ZMIZ1: variants seen among roughly 807,000 people sequenced by gnomAD.
ZMIZ1 encodes zinc finger MIZ-type containing 1.
A neutral mutation model predicts 113.9 loss-of-function variants in ZMIZ1; 17 were observed. The ratio of observed to expected loss-of-function variants is 0.15; its 90% CI spans 0.10 to 0.22. ZMIZ1 has a LOEUF of 0.22. Ranked by LOEUF, ZMIZ1 falls within the 10% of genes least tolerant of loss-of-function variation. The probability of loss-of-function intolerance (pLI) is 1.00; values close to 1 mark genes in which losing one functional copy is unlikely to be tolerated. For synonymous variants in ZMIZ1, 607 were observed against 603.1 expected (o/e 1.01, Z -0.09); for missense variants, 1,059 against 1,477.8 (o/e 0.72, Z 4.65).
intron 7 of ZMIZ1, among the ~76,000 whole-genome samples, chr10:79,219,027 C>G (rs537214988): frequency 1.3e-5 from 2 of 150,358 alleles, no homozygotes; most frequent in East Asian, 4.0e-4. Flanking sequence ...TATAAAAGAA[C>G]AGATTGCACG....
chr10:79,234,576 G>A (rs1336254917), intron 7 of ZMIZ1, among the ~76,000 whole-genome samples: 1 of 152,138 alleles, frequency 6.6e-6, no homozygotes, highest in Non-Finnish European at 1.5e-5. Flanking sequence ...GGAATAACTT[G>A]GTGAATATCC....
Position 79,313,067 on chromosome 10 carries a change from T to G in ZMIZ1, c.*318T>G. ...GTAAGAGGGCACACGCTGATGCGGCTTCCCGGTCCCTCCGCGTGTGCCGAT... is the reference window on the plus strand; with the variant it reads ...GTAAGAGGGCACACGCTGATGCGGCGTCCCGGTCCCTCCGCGTGTGCCGAT... On this transcript the variant is annotated 3_prime_UTR_variant, in exon 25 of 25. Transcript: ENST00000334512. 5.5e-6 allele frequency: 2 copies of G among 364,512 alleles called. No homozygotes were observed. Among genetic ancestry groups the G allele is most frequent in the East Asian group, 5.2e-5 (1 of 19,298 alleles). The allele number at this position is 364,512 out of a possible 1,614,324, so 22.6% of individuals were successfully genotyped here.
intron 4 of ZMIZ1, among the ~76,000 whole-genome samples, chr10:79,185,134 G>C (rs1847299862): frequency 6.6e-6 from 1 of 152,120 alleles, no homozygotes; most frequent in African/African-American, 2.4e-5. Context: ...CCCAGGCCAA[G>C]CCTTGGTCTC....
At chr10:79,203,235 G>A (rs1263352214) in intron 5 of ZMIZ1, among the ~76,000 whole-genome samples, 1 of 152,206 alleles carries the variant, frequency 6.6e-6, no homozygotes, top group African/African-American at 2.4e-5. Flanking sequence ...AACTGAGGCT[G>A]TTCCTCGAGA....
At position 79,312,782 on chromosome 10, in the gene ZMIZ1, C is replaced by G. The variant is rs1227456833; in HGVS notation, c.*33C>G. 6.3e-7 allele frequency: 1 copy of G among 1,594,490 alleles called. No individual in the cohort carries two copies. The highest frequency in any genetic ancestry group is 8.6e-7 in the Non-Finnish European group (1 of 1,162,258). Reference sequence around the variant, plus strand: ...CCGGTCGGGGCCATCCCTCCACACTCTGCATCCTACCCCACCTACCCAACA... The same window carrying G: ...CCGGTCGGGGCCATCCCTCCACACTGTGCATCCTACCCCACCTACCCAACA... On this transcript the variant is annotated 3_prime_UTR_variant, in exon 25 of 25. Coordinates refer to ENST00000334512, the MANE Select transcript of ZMIZ1 (RefSeq NM_020338.4).
At chr10:79,158,605 C>T (rs953607885) in intron 3 of ZMIZ1, among the ~76,000 whole-genome samples, 1 of 152,258 alleles carries the variant, frequency 6.6e-6, no homozygotes, top group Non-Finnish European at 1.5e-5. Context: ...AAATTTCGGG[C>T]ACCACTGCCC....
intron 1 of ZMIZ1, among the ~76,000 whole-genome samples, chr10:79,071,097 G>A (rs1289969248): frequency 2.6e-5 from 4 of 152,342 alleles, no homozygotes; most frequent in Admixed American, 2.0e-4. Flanking sequence ...GGGCATGGGA[G>A]AGTAGGGCCC....
intron 7 of ZMIZ1, among the ~76,000 whole-genome samples, chr10:79,233,786 G>T (rs1443575748): frequency 6.6e-6 from 1 of 152,016 alleles, no homozygotes; most frequent in Non-Finnish European, 1.5e-5. Context: ...AGGGAGGGTG[G>T]GGGGGCCTCA....
chr10:79,092,094 G>A (rs777514389), intron 1 of ZMIZ1, among the ~76,000 whole-genome samples: 1 of 152,118 alleles, frequency 6.6e-6, no homozygotes. Flanking sequence ...GCAGCAGCTG[G>A]GGCTTCTGAA....
Position 79,082,201 on chromosome 10 carries a change from TC to T in ZMIZ1, c.-337+12932del, listed in dbSNP as rs1247744898. On this transcript the variant is annotated intron_variant, in intron 1 of 24. Transcript: ENST00000334512. ...CTCTGGCTGTGCCCACCAGAAACAC[TC>T]GTCCTGGGGGCAGGCACTCGGTGCC... Among the ~76,000 whole-genome samples the T allele has an allele frequency of 3.3e-5, 5 of 152,286 alleles. No homozygotes were observed. In the East Asian group the frequency reaches 9.7e-4, roughly 29 times the overall value.
At chr10:79,303,454 C>CA (rs34154193) in intron 18 of ZMIZ1, among the ~76,000 whole-genome samples, 24,559 of 66,144 alleles carry the variant, frequency 0.37, 3,992 homozygotes, top group Middle Eastern at 0.46. Context: ...GACACTGCCA[C>CA]AAAAAAAAAA....
At chr10:79,255,411 G>A (rs1246269997) in intron 7 of ZMIZ1, among the ~76,000 whole-genome samples, 2 of 152,242 alleles carry the variant, frequency 1.3e-5, no homozygotes, top group South Asian at 2.1e-4. Flanking sequence ...CTGAAGCATG[G>A]GTATGAGTAG....
chr10:79,140,977 T>C (rs1462133590), intron 3 of ZMIZ1, among the ~76,000 whole-genome samples: 1 of 152,110 alleles, frequency 6.6e-6, no homozygotes, highest in Non-Finnish European at 1.5e-5. Flanking sequence ...AGACGGGGTC[T>C]CACTTCGTTG....
chr10:79,132,336 C>T lies in ZMIZ1; in HGVS notation c.-226-7346C>T, dbSNP rs542609789. 9.1e-3 allele frequency among the ~76,000 whole-genome samples: 1,349 copies of T among 149,054 alleles called. 23 individuals carry two copies. The highest frequency in any genetic ancestry group is 0.031 in the African/African-American group (1,277 of 41,134). On this transcript the variant is annotated intron_variant, in intron 2 of 24. Coordinates refer to ENST00000334512, the MANE Select transcript of ZMIZ1 (RefSeq NM_020338.4). ...AGGGTAATACATGGCAGGGGAGCTA[C>T]TCTGATCACCAGCCTTTTCGGCCGG...
At chr10:79,078,779 G>T (rs1376761399) in intron 1 of ZMIZ1, among the ~76,000 whole-genome samples, 1 of 146,024 alleles carries the variant, frequency 6.8e-6, no homozygotes, top group Non-Finnish European at 1.5e-5. Flanking sequence ...TGAACTGCTG[G>T]GCTCAAGCAA....
chr10:79,315,673 T>TC lies in ZMIZ1; in HGVS notation c.*2929dup, dbSNP rs558476293. 16 of 152,746 alleles carry TC rather than the reference T, an allele frequency of 1.0e-4. No homozygotes were observed. In the East Asian group the frequency reaches 2.3e-3, roughly 22 times the overall value. 9.5% of individuals were successfully genotyped at this position (152,746 alleles called of 1,614,324 possible). A position where few individuals can be genotyped will look rare whatever the true frequency, so the allele number is the denominator to read the frequency against. On this transcript the variant is annotated 3_prime_UTR_variant, in exon 25 of 25. Transcript: ENST00000334512. The stretch of plus-strand genomic sequence containing the variant: ...ACTTTCTCCCTAATGGAAGCCCTGA[T>TC]CCCCCAGAGAGCTACAGGTCTGCTC...
chr10:79,302,668 TCAA>T (rs1360736326), intron 18 of ZMIZ1, among the ~76,000 whole-genome samples: 1 of 143,376 alleles, frequency 7.0e-6, no homozygotes, highest in African/African-American at 2.5e-5. Context: ...CCTCCCTACT[TCAA>T]CAGCTCATGC....
At chr10:79,186,180 C>T (rs1847345122) in intron 4 of ZMIZ1, among the ~76,000 whole-genome samples, 2 of 152,214 alleles carry the variant, frequency 1.3e-5, no homozygotes, top group Non-Finnish European at 2.9e-5. Context: ...ATCTGAACAA[C>T]TGCCTGGCCC....
intron 7 of ZMIZ1, among the ~76,000 whole-genome samples, chr10:79,251,392 C>CT (rs1748010267): frequency 1.3e-5 from 2 of 152,286 alleles, no homozygotes; most frequent in South Asian, 4.1e-4. Flanking sequence ...ATGAGCTACC[C>CT]TTCCTGCTCT....
Sources: gnomAD v4.1 joint callset for allele counts (sites outside exome capture counted in the v4.1 genomes callset) on GRCh38, gnomAD v4.1.1 for gene constraint, MANE v1.5 for transcripts, NCBI Gene and HGNC (gene_info 2026-07-23, HGNC 2026-07-21) for gene names.